RPS29: variants seen among roughly 807,000 people sequenced by gnomAD.
RPS29 encodes ribosomal protein S29, also known as small ribosomal subunit protein uS14.
For missense variants in RPS29, 60 were observed against 75.7 expected, an observed-to-expected ratio of 0.79 and a Z score of 0.77; for synonymous variants, 37 against 26.9, an observed-to-expected ratio of 1.37 and a Z score of -1.16.
At chr14:49,583,815 G>T (rs1373186577) in intron 2 of RPS29, 140 bp from the exon 3 acceptor site, 2 of 560,094 alleles carry the variant, frequency 3.6e-6, no homozygotes, top group East Asian at 6.0e-5. Flanking sequence ...CAGATTCTAT[G>T]TAGTTTAAAT....
chr14:49,584,998 A>G (rs1162833889), intron 2 of RPS29, among the ~76,000 whole-genome samples: 2 of 152,238 alleles, frequency 1.3e-5, no homozygotes, highest in Admixed American at 6.5e-5. Flanking sequence ...ACTAAATGGC[A>G]GACCATTGTT....
exon 3 of RPS29, chr14:49,571,892 T>C (rs972967858): frequency 3.9e-5 from 6 of 152,218 alleles, no homozygotes; most frequent in African/African-American, 1.2e-4. Flanking sequence ...TGAGTCATTC[T>C]AGCAAATCGG....
At chr14:49,571,815 T>C (rs1467961822) in exon 3 of RPS29, 1 of 152,196 alleles carries the variant, frequency 6.6e-6, no homozygotes, top group Non-Finnish European at 1.5e-5. Flanking sequence ...TGTCTCTCCA[T>C]TGGCTGGTCC....
At position 49,586,326 on chromosome 14, in the gene RPS29, G is replaced by A. The variant is rs2139514516; in HGVS notation, c.21C>T (p.Tyr7=). 2 of 1,613,972 alleles carry A rather than the reference G, an allele frequency of 1.2e-6. No individual in the cohort carries two copies. The highest frequency in any genetic ancestry group is 1.7e-4 in the Middle Eastern group (1 of 6,056). The stretch of plus-strand genomic sequence containing the variant: ...GGCCGAATTTTCGCGGGTGGCTCCA[G>A]TACAGCTGCTGGTGACCCATCTTGC... MGHQQL[Y]WSHPRKFGQG... is the part of the protein sequence containing the mutation. Residue 7 remains tyrosine (Y), a synonymous_variant, in exon 1 of 3, where the codon TAC becomes TAT. Coordinates refer to ENST00000245458, the MANE Select transcript of RPS29 (RefSeq NM_001032.5).
chr14:49,580,116 T>C (rs1416436753), downstream of RPS29, among the ~76,000 whole-genome samples: 1 of 152,172 alleles, frequency 6.6e-6, no homozygotes, highest in Non-Finnish European at 1.5e-5. Flanking sequence ...TGCACGTCTC[T>C]TACAGAATTT....
intron 1 of RPS29, among the ~76,000 whole-genome samples, chr14:49,592,001 A>G (rs142594857): frequency 6.6e-6 from 1 of 152,206 alleles, no homozygotes; most frequent in Non-Finnish European, 1.5e-5. Context: ...TATGTTTATA[A>G]GCCAGACATA....
chr14:49,586,636 G>A (rs917788726), upstream of RPS29: 5 of 446,476 alleles, frequency 1.1e-5, no homozygotes, highest in Admixed American at 3.4e-5. Flanking sequence ...TGAGGCTGGA[G>A]GATCGCTTGA....
At chr14:49,586,210 C>T in intron 1 of RPS29, 75 bp downstream of exon 1, 10 of 1,503,248 alleles carry the variant, frequency 6.7e-6, no homozygotes, top group Non-Finnish European at 8.3e-6. Flanking sequence ...CCGCCCGTGG[C>T]CTCCTCTACT....
chr14:49,586,116 C>T, intron 1 of RPS29, 67 bp from the exon 2 acceptor site: 3 of 1,467,228 alleles, frequency 2.0e-6, no homozygotes, highest in East Asian at 4.6e-5. Context: ...CAGACGGCTA[C>T]TACCCGCATC....
At chr14:49,582,006 G>GC (rs71441224), downstream of RPS29, among the ~76,000 whole-genome samples, 1,491 of 70,124 alleles carry the variant, frequency 0.021, 103 homozygotes, top group African/African-American at 0.073. Flanking sequence ...GCAAGACCCT[G>GC]CCCCCCAAAA....
At chr14:49,578,228 C>A (rs985558677) in intron 2 of RPS29, among the ~76,000 whole-genome samples, 1 of 151,816 alleles carries the variant, frequency 6.6e-6, no homozygotes, top group Non-Finnish European at 1.5e-5. Context: ...AAAAAACTTA[C>A]CATCAAAGCA....
At chr14:49,581,151 C>T (rs573402545), downstream of RPS29, among the ~76,000 whole-genome samples, 2 of 151,214 alleles carry the variant, frequency 1.3e-5, no homozygotes, top group Non-Finnish European at 2.9e-5. Context: ...CAAGCCACTG[C>T]AGCACTCCAG....
intron 1 of RPS29, among the ~76,000 whole-genome samples, chr14:49,591,405 C>T (rs1229254945): frequency 3.3e-5 from 5 of 151,688 alleles, no homozygotes; most frequent in African/African-American, 4.8e-5. Flanking sequence ...CTCCACCTCC[C>T]GGCTCAAGCG....
chr14:49,590,459 G>C (rs1881687176), upstream of RPS29, among the ~76,000 whole-genome samples: 1 of 151,906 alleles, frequency 6.6e-6, no homozygotes, highest in Non-Finnish European at 1.5e-5. Context: ...CTGGGCAACA[G>C]AGTGAGATTC....
At chr14:49,594,640 G>C (rs193246577) in intron 1 of RPS29, among the ~76,000 whole-genome samples, 2 of 152,342 alleles carry the variant, frequency 1.3e-5, no homozygotes, top group African/African-American at 2.4e-5. Context: ...AAAAAGGAAA[G>C]GGCTCATGTT....
At chr14:49,574,993 GC>G (rs1189879885) in exon 3 of RPS29, 11 of 152,268 alleles carry the variant, frequency 7.2e-5, no homozygotes, top group African/African-American at 2.7e-4. Flanking sequence ...TTGAGTCCTT[GC>G]CCCAGGATCA....
downstream of RPS29, among the ~76,000 whole-genome samples, chr14:49,581,683 A>C (rs887815812): frequency 6.6e-6 from 1 of 152,076 alleles, no homozygotes; most frequent in South Asian, 2.1e-4. Context: ...CCAGCCCCTA[A>C]GAGTCATTAT....
downstream of RPS29, chr14:49,583,516 G>A (rs1594571015): frequency 2.6e-5 from 20 of 781,438 alleles, no homozygotes; most frequent in South Asian, 4.9e-5. Context: ...AAAAAAAAAA[G>A]AAAAAGATTT....
chr14:49,588,536 C>T (rs7494710), upstream of RPS29, among the ~76,000 whole-genome samples: 1 of 150,416 alleles, frequency 6.6e-6, no homozygotes, highest in African/African-American at 2.5e-5. Context: ...GTTTTTTTTC[C>T]TTTTTTTTTG....
Sources: gnomAD v4.1 joint callset for allele counts (sites outside exome capture counted in the v4.1 genomes callset) on GRCh38, gnomAD v4.1.1 for gene constraint, MANE v1.5 for transcripts, NCBI Gene and HGNC (gene_info 2026-07-23, HGNC 2026-07-21) for gene names.